Variants in GRIK3 observed in about 807,000 individuals in gnomAD.
GRIK3 encodes the protein glutamate ionotropic receptor kainate type subunit 3, also known as glutamate receptor ionotropic, kainate 3.
GRIK3 carries 29 observed loss-of-function variants against 102.5 expected under a neutral mutation model. That is an observed-to-expected ratio of 0.28 (90% CI 0.21 to 0.39). The LOEUF (loss-of-function observed/expected upper bound fraction) is 0.39, where lower values mean the gene tolerates loss of function less well. GRIK3 is among the 10% of genes least tolerant of loss of function. GRIK3 has a pLI of 1.00. For synonymous variants in GRIK3, 511 were observed against 504.9 expected (o/e 1.01, Z -0.16); for missense variants, 908 against 1,252.4 (o/e 0.73, Z 4.15).
intron 1 of GRIK3, among the ~76,000 whole-genome samples, chr1:36,980,921 T>C (rs1361234882): frequency 6.6e-6 from 1 of 152,108 alleles, no homozygotes; most frequent in African/African-American, 2.4e-5. Context: ...TGTCCATCCC[T>C]TTGCCCCCTT....
intron 11 of GRIK3, among the ~76,000 whole-genome samples, chr1:36,823,398 C>T (rs529314387): frequency 2.2e-5 from 3 of 137,404 alleles, no homozygotes; most frequent in East Asian, 4.5e-4. Context: ...GGCGTGAACC[C>T]GGGAGGCAGA....
rs552867677 is a variant in GRIK3, at chr1:36,993,712, C to T, written c.115+40282G>A. 8.5e-5 allele frequency among the ~76,000 whole-genome samples: 13 copies of T among 152,298 alleles called. No individual in the cohort carries two copies. In the East Asian group the frequency reaches 1.9e-3, roughly 23 times the overall value. Reference sequence around the variant, plus strand: ...TTAGTCCCCTAGAGCCAGGAGTGCCCTCAGCCAGCACCTGCTTTTAGGATT... The same window carrying T: ...TTAGTCCCCTAGAGCCAGGAGTGCCTTCAGCCAGCACCTGCTTTTAGGATT... On this transcript the variant is annotated intron_variant, in intron 1 of 15. Transcript: ENST00000373091.
Position 36,801,700 on chromosome 1 carries a change from C to T in GRIK3, c.*151G>A. ...AGCTGGCCTGAGAGCCTGCTGGCTT[C>T]CTGGCAGGTAAGGGCAGGAGGCTCC... On this transcript the variant is annotated 3_prime_UTR_variant, in exon 16 of 16. Transcript: ENST00000373091. 1.8e-6 allele frequency: 1 copy of T among 561,280 alleles called. No homozygotes were observed. The highest frequency in any genetic ancestry group is 3.0e-6 in the Non-Finnish European group (1 of 336,980). 34.8% of individuals were successfully genotyped at this position (561,280 alleles called of 1,614,324 possible). A position where few individuals can be genotyped will look rare whatever the true frequency, so the allele number is the denominator to read the frequency against.
rs1439464234 is a variant in GRIK3, at chr1:36,850,899, T to C, written c.1213-475A>G. 6.6e-6 allele frequency among the ~76,000 whole-genome samples: 1 copy of C among 152,230 alleles called. No homozygotes were observed. Among genetic ancestry groups the C allele is most frequent in the Non-Finnish European group, 1.5e-5 (1 of 68,042 alleles). ...AATGCTGCTGGGTTTAAAGGCAGTT[T>C]GCTTTGTGGTTTTACATTTAAAACT... On this transcript the variant is annotated intron_variant, in intron 8 of 15. Coordinates refer to ENST00000373091, the MANE Select transcript of GRIK3 (RefSeq NM_000831.4). The surrounding 1 kb of genome is among the most constrained non-coding windows in gnomAD (Gnocchi z 4.0).
Position 36,850,561 on chromosome 1 carries a change from T to C in GRIK3, c.1213-137A>G. 4.6e-6 allele frequency: 3 copies of C among 651,650 alleles called. No individual in the cohort carries two copies. The highest frequency in any genetic ancestry group is 8.4e-6 in the Non-Finnish European group (3 of 356,674). 40.4% of individuals were successfully genotyped at this position (651,650 alleles called of 1,614,324 possible). A position where few individuals can be genotyped will look rare whatever the true frequency, so the allele number is the denominator to read the frequency against. The stretch of plus-strand genomic sequence containing the variant: ...ATCATCATCATCATCACCACTGCCA[T>C]TGTGTTTCCAGTTATAACCGTTCTG... On this transcript the variant is annotated intron_variant, in intron 8 of 15. Transcript: ENST00000373091. The surrounding 1 kb of genome is among the most constrained non-coding windows in gnomAD (Gnocchi z 4.0).
intron 1 of GRIK3, among the ~76,000 whole-genome samples, chr1:36,951,785 C>A (rs114103165): frequency 6.7e-6 from 1 of 149,402 alleles, no homozygotes; most frequent in Non-Finnish European, 1.5e-5. Context: ...CTGAGGAAGA[C>A]GAGGAGGAGG....
intron 1 of GRIK3, among the ~76,000 whole-genome samples, chr1:37,028,253 G>A (rs753293132): frequency 3.1e-4 from 47 of 152,148 alleles, no homozygotes; most frequent in Non-Finnish European, 6.0e-4. Context: ...CTTTGACAAT[G>A]TCTTTGAGGA....
At chr1:37,026,741 C>G (rs1051105965) in intron 1 of GRIK3, among the ~76,000 whole-genome samples, 1 of 152,062 alleles carries the variant, frequency 6.6e-6, no homozygotes, top group African/African-American at 2.4e-5. Flanking sequence ...CAAGGTCACA[C>G]AGCAAGTACA....
chr1:37,015,280 A>G (rs1159121753), intron 1 of GRIK3, among the ~76,000 whole-genome samples: 2 of 152,150 alleles, frequency 1.3e-5, no homozygotes, highest in Non-Finnish European at 2.9e-5. Flanking sequence ...CACACACCCA[A>G]AGTAAACCCC....
chr1:36,839,111 G>A (rs1389842121), intron 10 of GRIK3, among the ~76,000 whole-genome samples: 5 of 152,198 alleles, frequency 3.3e-5, no homozygotes, highest in Non-Finnish European at 1.5e-5. Flanking sequence ...GATGTTGTGA[G>A]TGGTGAGGGT....
At chr1:36,826,114 A>T (rs1036762620) in intron 10 of GRIK3, among the ~76,000 whole-genome samples, 3 of 152,326 alleles carry the variant, frequency 2.0e-5, no homozygotes, top group Non-Finnish European at 4.4e-5. Flanking sequence ...TAAAGCTGTA[A>T]CCCATGTGCT....
intron 1 of GRIK3, among the ~76,000 whole-genome samples, chr1:36,922,882 T>A (rs761107509): frequency 1.3e-5 from 2 of 151,986 alleles, no homozygotes; most frequent in Non-Finnish European, 2.9e-5. Flanking sequence ...ATAAAAGCAA[T>A]GATCAAAGGC....
intron 8 of GRIK3, among the ~76,000 whole-genome samples, chr1:36,851,731 G>A (rs1570760115): frequency 6.6e-6 from 1 of 152,246 alleles, no homozygotes; most frequent in Admixed American, 6.5e-5. Context: ...GCCTCTGGCA[G>A]GCTAACCTCT....
rs375245628 is a variant in GRIK3 at position 36,801,991 on chromosome 1, G to A, written c.2620C>T (p.Arg874Cys). 11 of 1,613,628 alleles carry A rather than the reference G, an allele frequency of 6.8e-6. No homozygotes were observed. The highest frequency in any genetic ancestry group is 1.1e-5 in the South Asian group (1 of 91,050). Reference sequence around the variant, plus strand: ...GGCTGAGGCTTGTGCTTGACTCGACGCTGGCAGGTAAGGGAGAAACGGATC... The same window carrying A: ...GGCTGAGGCTTGTGCTTGACTCGACACTGGCAGGTAAGGGAGAAACGGATC... The part of the protein sequence containing the change: ...DEIRFSLTCQ[R>C]RVKHKPQPPM... The change falls in exon 16 of 16, where the codon CGT becomes TGT. Residue 874 changes from arginine (R) to cysteine (C), a missense_variant. Around this residue, in one of 3 missense-constraint regions of GRIK3, gnomAD observed 297 missense variants for 362.7 expected, o/e 0.82. Transcript: ENST00000373091.
chr1:36,922,529 T>C (rs1570800791), intron 1 of GRIK3, among the ~76,000 whole-genome samples: 1 of 152,318 alleles, frequency 6.6e-6, no homozygotes, highest in East Asian at 1.9e-4. Flanking sequence ...GACTCGTGGT[T>C]ACATATGCAG....
chr1:37,009,966 C>G (rs181484270), intron 1 of GRIK3, among the ~76,000 whole-genome samples: 2 of 152,188 alleles, frequency 1.3e-5, no homozygotes, highest in East Asian at 3.9e-4. Context: ...GCCAGCTGAG[C>G]AGGGGAGGCC....
At chr1:36,856,935 G>A (rs1331781271) in intron 7 of GRIK3, among the ~76,000 whole-genome samples, 1 of 152,168 alleles carries the variant, frequency 6.6e-6, no homozygotes. Flanking sequence ...TAACAGTAGC[G>A]ATAGTGGAAG....
At chr1:36,863,129 A>G (rs1312809865) in intron 5 of GRIK3, among the ~76,000 whole-genome samples, 1 of 152,170 alleles carries the variant, frequency 6.6e-6, no homozygotes, top group East Asian at 1.9e-4. Context: ...TAGAGGAAAG[A>G]ACTGAACCAC....
intron 6 of GRIK3, 89 bp from the exon 7 acceptor site, chr1:36,859,340 C>G: frequency 2.2e-6 from 3 of 1,383,354 alleles, no homozygotes; most frequent in Non-Finnish European, 3.0e-6. Context: ...TCCCTTGCCA[C>G]AGGTACATGA....
Sources: allele counts gnomAD v4.1 joint callset (sites outside exome capture counted in the v4.1 genomes callset), GRCh38; gene constraint gnomAD v4.1.1; regional missense constraint gnomAD v4.1.1; non-coding constraint Gnocchi (gnomAD v3.1); transcripts MANE v1.5; gene names NCBI Gene and HGNC (gene_info 2026-07-23, HGNC 2026-07-21).